The following SLC22A4 variants were observed in gnomAD, a reference collection of about 807,000 sequenced individuals.
The protein encoded by SLC22A4 is ET transporter.
SLC22A4 carries 39 observed loss-of-function variants against 56.6 expected under a neutral mutation model. That is an observed-to-expected ratio of 0.69 (90% CI 0.53 to 0.90). The LOEUF (loss-of-function observed/expected upper bound fraction) is 0.90. Among genes scored for constraint, SLC22A4 ranks in the 40% least tolerant of loss-of-function variants. SLC22A4 has a pLI of 0.00. For missense variants in SLC22A4, 594 were observed against 696.5 expected, an observed-to-expected ratio of 0.85 and a Z score of 1.66; for synonymous variants, 241 against 281.4, an observed-to-expected ratio of 0.86 and a Z score of 1.44.
intron 1 of SLC22A4, among the ~76,000 whole-genome samples, chr5:132,308,197 C>T (rs893647543): frequency 5.9e-5 from 9 of 151,966 alleles, no homozygotes; most frequent in Admixed American, 2.6e-4. Flanking sequence ...CCCAGAACAG[C>T]GCCCACCCCA....
At position 132,327,440 on chromosome 5, in the gene SLC22A4, A is replaced by G. The variant is rs1257576505; in HGVS notation, c.951+37A>G. ...CAGATGTTTCCTCTTGAGATCAGCT[A>G]TGCATTCTTGATTTTATGGAATTTA... On this transcript the variant is annotated intron_variant, in intron 5 of 9. Coordinates refer to ENST00000200652, the MANE Select transcript of SLC22A4 (RefSeq NM_003059.3). The G allele has an allele frequency of 5.1e-6, 8 of 1,583,600 alleles. No individual in the cohort carries two copies. The Middle Eastern group carries it at 5.0e-4, about 99-fold the overall frequency.
chr5:132,295,994 C>T (rs546994229), intron 1 of SLC22A4, among the ~76,000 whole-genome samples: 2 of 152,298 alleles, frequency 1.3e-5, no homozygotes, highest in South Asian at 2.1e-4. Flanking sequence ...GTGGAGCCTA[C>T]CCTCAGATGC....
At chr5:132,333,998 G>T (rs1750942716) in intron 6 of SLC22A4, among the ~76,000 whole-genome samples, 2 of 151,994 alleles carry the variant, frequency 1.3e-5, no homozygotes, top group African/African-American at 2.4e-5. Flanking sequence ...AAGTAGAGAC[G>T]GGGTTTCACC....
chr5:132,333,812 T>G (rs1417012483), intron 6 of SLC22A4, among the ~76,000 whole-genome samples: 1 of 151,892 alleles, frequency 6.6e-6, no homozygotes, highest in African/African-American at 2.4e-5. Context: ...TTATTTATGT[T>G]TTTATTTTTT....
At position 132,342,812 on chromosome 5, in the gene SLC22A4, G is replaced by A. The variant is rs149111415; in HGVS notation, c.1581-948G>A. Among the ~76,000 whole-genome samples the A allele has an allele frequency of 3.1e-3, 472 of 152,330 alleles. 1 individual carries two copies. Among genetic ancestry groups the A allele is most frequent in the Non-Finnish European group, 3.6e-3 (248 of 68,034 alleles). On this transcript the variant is annotated intron_variant, in intron 9 of 9. Coordinates refer to ENST00000200652, the MANE Select transcript of SLC22A4 (RefSeq NM_003059.3). Reference sequence around the variant, plus strand: ...CTGAGTGCAGAGGTTCTGTCCCTACGGAGTTAAGGTGCACTGCCCTCCTGG... The same window carrying A: ...CTGAGTGCAGAGGTTCTGTCCCTACAGAGTTAAGGTGCACTGCCCTCCTGG...
rs147670841 is a variant in SLC22A4 at position 132,298,985 on chromosome 5, A to G, written c.393+3976A>G. Among the ~76,000 whole-genome samples the G allele has an allele frequency of 8.6e-3, 1,308 of 152,382 alleles. 24 individuals carry two copies. Among genetic ancestry groups the G allele is most frequent in the African/African-American group, 0.03 (1,256 of 41,598 alleles). On this transcript the variant is annotated intron_variant, in intron 1 of 9. Coordinates refer to ENST00000200652, the MANE Select transcript of SLC22A4 (RefSeq NM_003059.3). ...AGTCCAAACCCATACTGACTTGGCC[A>G]GTGCCAGTGTACAGGGCCAAGCCCA...
intron 2 of SLC22A4, 96 bp from the exon 3 acceptor site, chr5:132,313,518 A>G: frequency 8.5e-7 from 1 of 1,179,974 alleles, no homozygotes; most frequent in Non-Finnish European, 1.3e-6. Context: ...AGAGCCCTGA[A>G]AAAACACTAA....
chr5:132,342,411 C>A (rs1392402230), intron 9 of SLC22A4, among the ~76,000 whole-genome samples: 1 of 152,160 alleles, frequency 6.6e-6, no homozygotes, highest in African/African-American at 2.4e-5. Context: ...AATTCAACAT[C>A]TTTTTTTGGC....
intron 1 of SLC22A4, among the ~76,000 whole-genome samples, chr5:132,308,562 G>A (rs1020825968): frequency 2.4e-4 from 36 of 151,910 alleles, no homozygotes; most frequent in African/African-American, 8.7e-4. Context: ...TCCACACACT[G>A]TTACTGTCTT....
Position 132,335,965 on chromosome 5 carries a change from T to C in SLC22A4, c.1409T>C (p.Val470Ala). 1.2e-6 allele frequency: 2 copies of C among 1,614,140 alleles called. No homozygotes were observed. The highest frequency in any genetic ancestry group is 1.7e-6 in the Non-Finnish European group (2 of 1,180,024). ...AVGVTSTASR[V>A]GSIIAPYFVY... The stretch of plus-strand genomic sequence containing the variant: ...GGGGTCACATCCACGGCCTCCAGAG[T>C]GGGCAGCATCATTGCCCCCTACTTT... Residue 470 changes from valine (V) to alanine (A), a missense_variant, in exon 8 of 10, where the codon GTG becomes GCG. By Grantham distance (64) the Val-to-Ala change is moderately conservative. Transcript: ENST00000200652.
intron 5 of SLC22A4, among the ~76,000 whole-genome samples, chr5:132,328,370 G>A (rs949375901): frequency 2.2e-4 from 33 of 152,262 alleles, no homozygotes; most frequent in Admixed American, 1.4e-3. Flanking sequence ...TGTAGAGGAC[G>A]GTGGGCATGC....
intron 6 of SLC22A4, among the ~76,000 whole-genome samples, chr5:132,334,072 G>C (rs1162387689): frequency 6.6e-6 from 1 of 152,168 alleles, no homozygotes; most frequent in Non-Finnish European, 1.5e-5. Flanking sequence ...GTCTCCCAAA[G>C]TGCTGGGATT....
intron 3 of SLC22A4, among the ~76,000 whole-genome samples, chr5:132,315,044 C>T (rs997960035): frequency 2.0e-5 from 3 of 152,086 alleles, no homozygotes; most frequent in African/African-American, 7.2e-5. Flanking sequence ...AGCTTCAGGC[C>T]AGTGTTGTTG....
At chr5:132,301,422 G>GCTGC (rs1344459157) in intron 1 of SLC22A4, among the ~76,000 whole-genome samples, 4 of 152,200 alleles carry the variant, frequency 2.6e-5, no homozygotes, top group Non-Finnish European at 5.9e-5. Context: ...CTGCAGCTGG[G>GCTGC]CTGCCTCCTC....
intron 4 of SLC22A4, 71 bp from the exon 5 acceptor site, chr5:132,327,206 G>A: frequency 2.5e-6 from 3 of 1,210,812 alleles, no homozygotes; most frequent in Non-Finnish European, 3.4e-6. Flanking sequence ...ACTATTTGGG[G>A]GAAACTCAGA....
At chr5:132,309,594 T>C (rs1750131355) in intron 1 of SLC22A4, among the ~76,000 whole-genome samples, 1 of 152,256 alleles carries the variant, frequency 6.6e-6, no homozygotes, top group Non-Finnish European at 1.5e-5. Context: ...CTGCATCTGC[T>C]TCATTTCCTG....
chr5:132,295,184 C>T (rs768526486), intron 1 of SLC22A4, 175 bp downstream of exon 1: 10 of 790,644 alleles, frequency 1.3e-5, no homozygotes, highest in Admixed American at 8.0e-5. Context: ...TCACGCGAGG[C>T]GCATTCCTGG....
Position 132,323,687 on chromosome 5 carries a change from G to A in SLC22A4, c.824+1332G>A, listed in dbSNP as rs145345584. ...ACAAGAGCAGAGCAATTTTCTGAAT[G>A]AGAGTAATTATCATCATCATCATCT... On this transcript the variant is annotated intron_variant, in intron 4 of 9. Coordinates refer to ENST00000200652, the MANE Select transcript of SLC22A4 (RefSeq NM_003059.3). Among the ~76,000 whole-genome samples the A allele has an allele frequency of 2.8e-4, 43 of 152,336 alleles. 1 individual carries two copies. The South Asian group carries it at 8.7e-3, about 31-fold the overall frequency.
chr5:132,331,388 A>G (rs1172307014), intron 5 of SLC22A4, among the ~76,000 whole-genome samples: 2 of 152,100 alleles, frequency 1.3e-5, no homozygotes, highest in African/African-American at 2.4e-5. Flanking sequence ...GGCCTCAAGG[A>G]AGGGACTACA....
Sources: allele counts gnomAD v4.1 joint callset (sites outside exome capture counted in the v4.1 genomes callset), GRCh38; gene constraint gnomAD v4.1.1; transcripts MANE v1.5; gene names NCBI Gene and HGNC (gene_info 2026-07-23, HGNC 2026-07-21).